Variants in CRMP1 observed in about 807,000 individuals in gnomAD.
The protein encoded by CRMP1 is collapsin response mediator protein 1.
Under a neutral mutation model 68.3 loss-of-function variants are expected in CRMP1, and 19 were observed. The observed-to-expected ratio is 0.28, with a 90% CI of 0.19 to 0.41. The LOEUF is 0.41. Among genes scored for constraint, CRMP1 ranks in the 10% least tolerant of loss-of-function variants. The probability of loss-of-function intolerance (pLI) is 1.00; values close to 1 mark genes in which losing one functional copy is unlikely to be tolerated. For synonymous variants in CRMP1, 439 were observed against 399.6 expected (o/e 1.10, Z -1.18); for missense variants, 791 against 967.4 (o/e 0.82, Z 2.42).
chr4:5,869,530 A>C lies in CRMP1; in HGVS notation c.382-2774T>G, dbSNP rs988907620. On this transcript the variant is annotated intron_variant, in intron 1 of 13. Transcript: ENST00000324989. ...ACGCCATCTCTACTAAAAATACAAAAAAAATTAGCCAGGTGTGGTGGCAGA... is the reference window on the plus strand; with the variant it reads ...ACGCCATCTCTACTAAAAATACAAACAAAATTAGCCAGGTGTGGTGGCAGA... Among the ~76,000 whole-genome samples the C allele has an allele frequency of 5.3e-5, 8 of 151,600 alleles. No homozygotes were observed. The South Asian group carries it at 1.7e-3, about 32-fold the overall frequency.
At chr4:5,863,565 G>A (rs1375071522) in intron 2 of CRMP1, among the ~76,000 whole-genome samples, 1 of 152,152 alleles carries the variant, frequency 6.6e-6, no homozygotes, top group Admixed American at 6.5e-5. Context: ...GTGCTGGAAA[G>A]GGAAGGAGGA....
rs1577859842 is a variant in CRMP1, at chr4:5,892,495, C to A, written c.381+94G>T. The stretch of plus-strand genomic sequence containing the variant: ...CCCAGCCTGGCGGCCGCTGCCCCAA[C>A]ACCGGGGCCCGGGCATGGCCCTCGG... On this transcript the variant is annotated intron_variant, in intron 1 of 13. Transcript: ENST00000324989. The surrounding 1 kb of genome is among the most constrained non-coding windows in gnomAD (Gnocchi z 8.6). 17 of 1,116,250 alleles carry A rather than the reference C, an allele frequency of 1.5e-5. No individual in the cohort carries two copies. Among genetic ancestry groups the A allele is most frequent in the Non-Finnish European group, 1.5e-5 (14 of 908,698 alleles). The allele number at this position is 1,116,250 out of a possible 1,614,324, so 69.1% of individuals were successfully genotyped here.
Position 5,891,460 on chromosome 4 carries a change from T to C in CRMP1, c.381+1129A>G, listed in dbSNP as rs559606144. On this transcript the variant is annotated intron_variant, in intron 1 of 13. Coordinates refer to ENST00000324989, the MANE Select transcript of CRMP1 (RefSeq NM_001014809.3). The surrounding 1 kb of genome is among the most constrained non-coding windows in gnomAD (Gnocchi z 5.2). ...GAAGGTTTAATTAAAATGATAATGA[T>C]TGTAATAAAAGTCAACAACAAACAT... 6.6e-6 allele frequency among the ~76,000 whole-genome samples: 1 copy of C among 152,326 alleles called. No homozygotes were observed. The highest frequency in any genetic ancestry group is 2.4e-5 in the African/African-American group (1 of 41,588).
At chr4:5,863,661 G>C (rs762192393) in intron 2 of CRMP1, among the ~76,000 whole-genome samples, 5 of 152,010 alleles carry the variant, frequency 3.3e-5, no homozygotes, top group Non-Finnish European at 7.4e-5. Flanking sequence ...CTCAACCACC[G>C]GCACTAGATT....
rs1577707400 is a variant in CRMP1, at chr4:5,821,537, G to C, written c.*223C>G. 1 of 551,084 alleles carries C rather than the reference G, an allele frequency of 1.8e-6. No homozygotes were observed. The highest frequency in any genetic ancestry group is 3.2e-6 in the Non-Finnish European group (1 of 307,938). The allele number at this position is 551,084 out of a possible 1,614,324, so 34.1% of individuals were successfully genotyped here. A position where few individuals can be genotyped will look rare whatever the true frequency, so the allele number is the denominator to read the frequency against. On this transcript the variant is annotated 3_prime_UTR_variant, in exon 14 of 14. Coordinates refer to ENST00000324989, the MANE Select transcript of CRMP1 (RefSeq NM_001014809.3). This position sits in a 1 kb window ranked among gnomAD's most constrained non-coding sequence, Gnocchi z 4.4. ...AGGGGGAATGAAAACACCATGCTCC[G>C]AGGTGGATTCAGCATGAACACAACT... is the stretch of plus-strand genomic sequence containing the variant.
Position 5,825,745 on chromosome 4 carries a change from A to G in CRMP1, c.1804-86T>C. The G allele has an allele frequency of 7.0e-7, 1 of 1,427,048 alleles. No homozygotes were observed. The highest frequency in any genetic ancestry group is 9.6e-7 in the Non-Finnish European group (1 of 1,042,268). The allele number at this position is 1,427,048 out of a possible 1,614,324, so 88.4% of individuals were successfully genotyped here. A position where few individuals can be genotyped will look rare whatever the true frequency, so the allele number is the denominator to read the frequency against. On this transcript the variant is annotated intron_variant, in intron 12 of 13. Coordinates refer to ENST00000324989, the MANE Select transcript of CRMP1 (RefSeq NM_001014809.3). This position sits in a 1 kb window ranked among gnomAD's most constrained non-coding sequence, Gnocchi z 4.4. Reference sequence around the variant, plus strand: ...GATAAAGCAGAGCCCTGCGGGCGAGAGAGAAACCTGAGGTCACTTCAAATG... The same window carrying G: ...GATAAAGCAGAGCCCTGCGGGCGAGGGAGAAACCTGAGGTCACTTCAAATG...
chr4:5,890,392 C>T lies in CRMP1; in HGVS notation c.381+2197G>A, dbSNP rs907545949. Among the ~76,000 whole-genome samples, 2 of 152,218 alleles carry T rather than the reference C, an allele frequency of 1.3e-5. No homozygotes were observed. Among genetic ancestry groups the T allele is most frequent in the Non-Finnish European group, 2.9e-5 (2 of 68,040 alleles). On this transcript the variant is annotated intron_variant, in intron 1 of 13. Transcript: ENST00000324989. The surrounding 1 kb of genome is among the most constrained non-coding windows in gnomAD (Gnocchi z 5.5). ...ATCCTTGCGCCTGCGCCGCAGAAAC[C>T]CCTCCTGCAGCCCAGGGAGAAGCCT...
In CRMP1 at chr4:5,883,978, C is replaced by T. The variant is rs1293679555; in HGVS notation, c.381+8611G>A. Among the ~76,000 whole-genome samples, 1 of 152,246 alleles carries T rather than the reference C, an allele frequency of 6.6e-6. No homozygotes were observed. On this transcript the variant is annotated intron_variant, in intron 1 of 13. Transcript: ENST00000324989. This position sits in a 1 kb window ranked among gnomAD's most constrained non-coding sequence, Gnocchi z 4.5. ...TAATGTTTTCCCTAAAAATGGTCCA[C>T]TTCTTCCTCTCTGATCATGACCTTG... is the stretch of plus-strand genomic sequence containing the variant.
chr4:5,868,261 CTATATATATATATATATATATATATA>C (rs60816757), intron 1 of CRMP1, among the ~76,000 whole-genome samples: 56 of 111,462 alleles, frequency 5.0e-4, no homozygotes, highest in East Asian at 1.3e-3. Context: ...GACTATATAT[CTATATATATATATATATATATATATA>C]TATATATATA....
rs1334167469 is a variant in CRMP1, at chr4:5,888,616, TCCCAC to T, written c.381+3968_381+3972del. The T allele has an allele frequency of 1.8e-3, 1,779 of 1,001,212 alleles. 2 individuals carry two copies. Among genetic ancestry groups the T allele is most frequent in the Non-Finnish European group, 2.0e-3 (1,702 of 842,398 alleles). The allele number at this position is 1,001,212 out of a possible 1,614,324, so 62.0% of individuals were successfully genotyped here. A position where few individuals can be genotyped will look rare whatever the true frequency, so the allele number is the denominator to read the frequency against. On this transcript the variant is annotated intron_variant, in intron 1 of 13. Coordinates refer to ENST00000324989, the MANE Select transcript of CRMP1 (RefSeq NM_001014809.3). The surrounding 1 kb of genome is among the most constrained non-coding windows in gnomAD (Gnocchi z 6.4). ...ACCAGGAAGCGCTTCCCTTCCGATC[TCCCAC>T]CCCGCCCCCCGCCCCCCACCCGCCC...
Position 5,861,899 on chromosome 4 carries a change from T to A in CRMP1, c.471-689A>T, listed in dbSNP as rs1344629069. On this transcript the variant is annotated intron_variant, in intron 2 of 13. Coordinates refer to ENST00000324989, the MANE Select transcript of CRMP1 (RefSeq NM_001014809.3). The surrounding 1 kb of genome is among the most constrained non-coding windows in gnomAD (Gnocchi z 6.0). Reference sequence around the variant, plus strand: ...GCTTGAGATTGGGCAGCATATTAATTTTCTAAGTCACAAAAAACCCTAGTA... The same window carrying A: ...GCTTGAGATTGGGCAGCATATTAATATTCTAAGTCACAAAAAACCCTAGTA... Among the ~76,000 whole-genome samples, 1 of 152,176 alleles carries A rather than the reference T, an allele frequency of 6.6e-6. No individual in the cohort carries two copies. The highest frequency in any genetic ancestry group is 1.5e-5 in the Non-Finnish European group (1 of 68,036).
chr4:5,885,328 A>G (rs1715507225), intron 1 of CRMP1, among the ~76,000 whole-genome samples: 1 of 152,114 alleles, frequency 6.6e-6, no homozygotes, highest in Non-Finnish European at 1.5e-5. Flanking sequence ...TCAGAGGGGC[A>G]CAGGATGACC....
Position 5,891,996 on chromosome 4 carries a change from C to G in CRMP1, c.381+593G>C, listed in dbSNP as rs1163126429. 6.6e-6 allele frequency among the ~76,000 whole-genome samples: 1 copy of G among 152,150 alleles called. No individual in the cohort carries two copies. The highest frequency in any genetic ancestry group is 2.4e-5 in the African/African-American group (1 of 41,428). On this transcript the variant is annotated intron_variant, in intron 1 of 13. Coordinates refer to ENST00000324989, the MANE Select transcript of CRMP1 (RefSeq NM_001014809.3). This position sits in a 1 kb window ranked among gnomAD's most constrained non-coding sequence, Gnocchi z 5.2. ...ACTGGCGCTTGAGGGTAGGGGTTTACGGCTCCAACTGCCCGACGAACTAAA... is the reference window on the plus strand; with the variant it reads ...ACTGGCGCTTGAGGGTAGGGGTTTAGGGCTCCAACTGCCCGACGAACTAAA...
intron 11 of CRMP1, among the ~76,000 whole-genome samples, chr4:5,833,743 C>G (rs898780911): frequency 1.3e-5 from 2 of 152,220 alleles, no homozygotes; most frequent in South Asian, 2.1e-4. Context: ...GGCCTCTGAT[C>G]CCACACTGAA....
chr4:5,847,868 C>A (rs973025527), intron 6 of CRMP1, among the ~76,000 whole-genome samples: 1 of 152,150 alleles, frequency 6.6e-6, no homozygotes, highest in Non-Finnish European at 1.5e-5. Flanking sequence ...TATGTGAAGT[C>A]CTTTGCATCA....
chr4:5,832,813 C>T (rs955259929), intron 11 of CRMP1, among the ~76,000 whole-genome samples: 3 of 152,172 alleles, frequency 2.0e-5, no homozygotes, highest in African/African-American at 7.2e-5. Context: ...TGGGTTGAAT[C>T]GTGCTCCCAA....
chr4:5,887,827 C>CG lies in CRMP1; in HGVS notation c.381+4761dup, dbSNP rs571370885. ...TGTGGGGTGCATGGGCCGGACGGTG[C>CG]GGGGGCCGAGCCAAGGAGGCTCAGC... On this transcript the variant is annotated intron_variant, in intron 1 of 13. Coordinates refer to ENST00000324989, the MANE Select transcript of CRMP1 (RefSeq NM_001014809.3). 14 of 997,264 alleles carry CG rather than the reference C, an allele frequency of 1.4e-5. No homozygotes were observed. In the South Asian group the frequency reaches 4.2e-4, roughly 30 times the overall value. The allele number at this position is 997,264 out of a possible 1,614,324, so 61.8% of individuals were successfully genotyped here.
intron 1 of CRMP1, among the ~76,000 whole-genome samples, chr4:5,874,044 C>T (rs1445244778): frequency 6.6e-6 from 1 of 152,184 alleles, no homozygotes; most frequent in East Asian, 1.9e-4. Context: ...AGCTGGGATT[C>T]CTCAGTAAGA....
At chr4:5,875,008 C>T (rs1279614680) in intron 1 of CRMP1, among the ~76,000 whole-genome samples, 1 of 152,192 alleles carries the variant, frequency 6.6e-6, no homozygotes, top group Non-Finnish European at 1.5e-5. Flanking sequence ...AGCAGCCAGG[C>T]AAGAGAAAGG....
Sources: gnomAD v4.1 joint callset for allele counts (sites outside exome capture counted in the v4.1 genomes callset) on GRCh38, gnomAD v4.1.1 for gene constraint, Gnocchi (gnomAD v3.1) non-coding constraint, MANE v1.5 for transcripts, NCBI Gene and HGNC (gene_info 2026-07-23, HGNC 2026-07-21) for gene names.